SPIRE1: variants seen among roughly 807,000 people sequenced by gnomAD.
SPIRE1 encodes spire type actin nucleation factor 1.
SPIRE1 carries 40 observed loss-of-function variants against 94.1 expected under a neutral mutation model. That is an observed-to-expected ratio of 0.43 (90% CI 0.33 to 0.55). SPIRE1 has a LOEUF of 0.55. Among genes scored for constraint, SPIRE1 ranks in the 20% least tolerant of loss-of-function variants. The pLI is 0.06. For synonymous variants in SPIRE1, 376 were observed against 371.7 expected (o/e 1.01, Z -0.13); for missense variants, 838 against 975.2 (o/e 0.86, Z 1.87).
At chr18:12,529,246 G>A (rs1435108035) in intron 4 of SPIRE1, among the ~76,000 whole-genome samples, 1 of 152,062 alleles carries the variant, frequency 6.6e-6, no homozygotes, top group East Asian at 1.9e-4. Flanking sequence ...GCGGGCGCCT[G>A]TAGTCCCAGC....
At chr18:12,632,615 G>A (rs946882298) in intron 2 of SPIRE1, among the ~76,000 whole-genome samples, 1 of 152,048 alleles carries the variant, frequency 6.6e-6, no homozygotes, top group Non-Finnish European at 1.5e-5. Context: ...ACCACTGTTA[G>A]CCCTAGAAAA....
In SPIRE1 at chr18:12,657,757, C is replaced by G; in HGVS notation, c.110G>C (p.Arg37Pro). The change falls in exon 1 of 17, where the codon CGG becomes CCG. Residue 37 changes from arginine (R) to proline (P), a missense_variant. By Grantham distance (103) the Arg-to-Pro change is moderately radical (BLOSUM62 -2). This residue lies in a region of SPIRE1 where 193 missense variants were observed against 170.5 expected (regional missense o/e 1.13). Transcript: ENST00000409402. The part of the protein sequence containing the change: ...GAAGGAAGGS[R>P]DALSLEEILR... The stretch of plus-strand genomic sequence containing the variant: ...GATCTCCTCCAGGCTCAGCGCGTCC[C>G]GGGAGCCCCCGGCCGCGCCGCCGGC... 1 of 1,350,760 alleles carries G rather than the reference C, an allele frequency of 7.4e-7. No individual in the cohort carries two copies. The highest frequency in any genetic ancestry group is 3.4e-5 in the East Asian group (1 of 29,756). 83.7% of individuals were successfully genotyped at this position (1,350,760 alleles called of 1,614,324 possible).
intron 10 of SPIRE1, among the ~76,000 whole-genome samples, chr18:12,468,752 G>A (rs1007900295): frequency 6.6e-6 from 1 of 152,124 alleles, no homozygotes; most frequent in African/African-American, 2.4e-5. Context: ...GTTCAAAAAT[G>A]TAAATCAAAA....
chr18:12,632,384 T>C (rs796663259), intron 2 of SPIRE1, among the ~76,000 whole-genome samples: 32 of 152,216 alleles, frequency 2.1e-4, no homozygotes, highest in African/African-American at 7.7e-4. Context: ...CCATCGTCTC[T>C]AACCTAAAAC....
rs374454677 is a variant in SPIRE1 at position 12,509,472 on chromosome 18, A to G, written c.808-2831T>C. Reference sequence around the variant, plus strand: ...TTGGCCAAGATGATATACACTTAGAACAACACTATCCAAGTATTCTTCATA... The same window carrying G: ...TTGGCCAAGATGATATACACTTAGAGCAACACTATCCAAGTATTCTTCATA... On this transcript the variant is annotated intron_variant, in intron 5 of 16. Transcript: ENST00000409402. Among the ~76,000 whole-genome samples the G allele has an allele frequency of 1.5e-4, 23 of 152,342 alleles. 1 individual carries two copies. The East Asian group carries it at 3.3e-3, about 22-fold the overall frequency.
At chr18:12,609,821 C>T (rs924184193) in intron 2 of SPIRE1, among the ~76,000 whole-genome samples, 9 of 152,186 alleles carry the variant, frequency 5.9e-5, no homozygotes, top group Non-Finnish European at 1.3e-4. Flanking sequence ...TCTTCTATGC[C>T]TACTGCCCAC....
chr18:12,578,512 T>C (rs2036171094), intron 2 of SPIRE1, among the ~76,000 whole-genome samples: 1 of 152,224 alleles, frequency 6.6e-6, no homozygotes, highest in Non-Finnish European at 1.5e-5. Flanking sequence ...CACCGGAAAC[T>C]TTCTGTGGTG....
chr18:12,452,549 C>T (rs765402255), intron 14 of SPIRE1, 37 bp from the exon 15 acceptor site: 1 of 1,611,388 alleles, frequency 6.2e-7, no homozygotes, highest in East Asian at 2.2e-5. Flanking sequence ...TGGCATGATA[C>T]CAGGGGACGC....
At chr18:12,535,784 G>A (rs957552613) in intron 3 of SPIRE1, among the ~76,000 whole-genome samples, 183 bp from the exon 4 acceptor site, 4 of 152,176 alleles carry the variant, frequency 2.6e-5, no homozygotes, top group Non-Finnish European at 4.4e-5. Flanking sequence ...GTGAAACCCT[G>A]TCTCTACTAA....
chr18:12,510,064 G>A (rs1177136411), intron 5 of SPIRE1, among the ~76,000 whole-genome samples: 32 of 149,104 alleles, frequency 2.1e-4, no homozygotes, highest in Non-Finnish European at 3.4e-4. Context: ...CAGCCTGGGC[G>A]ACAGAGCAAG....
At chr18:12,492,343 T>C (rs2143856831) in intron 8 of SPIRE1, among the ~76,000 whole-genome samples, 1 of 152,320 alleles carries the variant, frequency 6.6e-6, no homozygotes, top group East Asian at 1.9e-4. Flanking sequence ...CTTTGGGCAT[T>C]TTTAGTCTTA....
At chr18:12,524,483 A>T (rs1785344) in intron 4 of SPIRE1, among the ~76,000 whole-genome samples, 1 of 151,736 alleles carries the variant, frequency 6.6e-6, no homozygotes, top group Admixed American at 6.5e-5. Flanking sequence ...TGATGGGGGG[A>T]AAAATGTTTT....
intron 12 of SPIRE1, chr18:12,459,785 T>G: frequency 1.0e-6 from 1 of 985,786 alleles, no homozygotes; most frequent in Non-Finnish European, 1.2e-6. Flanking sequence ...TGGTAAAAGC[T>G]CTCTCACACA....
chr18:12,492,936 G>A, intron 8 of SPIRE1, 136 bp downstream of exon 8: 1 of 986,670 alleles, frequency 1.0e-6, no homozygotes, highest in Non-Finnish European at 1.5e-6. Context: ...ACGAGAGAGT[G>A]AGAGGGAGAA....
At chr18:12,540,085 G>A (rs2144236072) in intron 3 of SPIRE1, among the ~76,000 whole-genome samples, 1 of 152,204 alleles carries the variant, frequency 6.6e-6, no homozygotes, top group East Asian at 1.9e-4. Flanking sequence ...GCCATGCACA[G>A]ACCTAAGGAA....
At chr18:12,546,552 G>C in intron 3 of SPIRE1, 122 bp downstream of exon 3, 1 of 747,066 alleles carries the variant, frequency 1.3e-6, no homozygotes. Flanking sequence ...AGTGAGCCAT[G>C]ATCACACCAC....
At chr18:12,531,288 T>C (rs1418715867) in intron 4 of SPIRE1, among the ~76,000 whole-genome samples, 4 of 152,158 alleles carry the variant, frequency 2.6e-5, no homozygotes, top group African/African-American at 7.2e-5. Flanking sequence ...AACACCAGCA[T>C]GTGCATGCCC....
intron 10 of SPIRE1, among the ~76,000 whole-genome samples, chr18:12,468,819 T>C (rs1234976320): frequency 6.6e-6 from 1 of 152,158 alleles, no homozygotes; most frequent in Non-Finnish European, 1.5e-5. Context: ...AGCACTTTGG[T>C]AGGCTGAGGC....
intron 4 of SPIRE1, among the ~76,000 whole-genome samples, chr18:12,521,361 T>A (rs2034353478): frequency 6.6e-6 from 1 of 151,982 alleles, no homozygotes; most frequent in Non-Finnish European, 1.5e-5. Flanking sequence ...TGGACACAGT[T>A]TTACTCTGTC....
Sources: allele counts gnomAD v4.1 joint callset (sites outside exome capture counted in the v4.1 genomes callset), GRCh38; gene constraint gnomAD v4.1.1; regional missense constraint gnomAD v4.1.1; transcripts MANE v1.5; gene names NCBI Gene and HGNC (gene_info 2026-07-23, HGNC 2026-07-21).